ADGRF5: variants seen among roughly 807,000 people sequenced by gnomAD.
The protein encoded by ADGRF5 is adhesion G protein-coupled receptor F5, also known as G-protein coupled receptor 116.
ADGRF5 carries 75 observed loss-of-function variants against 132.3 expected under a neutral mutation model. The ratio of observed to expected loss-of-function variants is 0.57; its 90% CI spans 0.47 to 0.69. ADGRF5 has a LOEUF of 0.69. Among genes scored for constraint, ADGRF5 ranks in the 30% least tolerant of loss-of-function variants. The probability of loss-of-function intolerance (pLI) is 0.00; values close to 1 mark genes in which losing one functional copy is unlikely to be tolerated. For missense variants in ADGRF5, 1,516 were observed against 1,630.6 expected (o/e 0.93, Z 1.21); for synonymous variants, 629 against 597.6 (o/e 1.05, Z -0.77).
chr6:46,922,159 C>A (rs1458505518), upstream of ADGRF5, among the ~76,000 whole-genome samples: 6 of 152,122 alleles, frequency 3.9e-5, no homozygotes, highest in Non-Finnish European at 8.8e-5. Context: ...CCAGAGCAAA[C>A]CAAACATAGG....
At chr6:46,954,130 G>GA (rs1242751815) in intron 1 of ADGRF5, among the ~76,000 whole-genome samples, 2 of 151,848 alleles carry the variant, frequency 1.3e-5, no homozygotes, top group East Asian at 3.9e-4. Context: ...GACATCCCTG[G>GA]ATATTCGTTG....
intron 20 of ADGRF5, chr6:46,854,862 G>C: frequency 1.6e-5 from 9 of 556,806 alleles, no homozygotes; most frequent in Non-Finnish European, 2.7e-5. Context: ...AGAAGTGAAG[G>C]TCCACCAGTT....
chr6:46,879,491 C>G (rs1015829848), intron 9 of ADGRF5, among the ~76,000 whole-genome samples: 29 of 152,158 alleles, frequency 1.9e-4, no homozygotes, highest in African/African-American at 5.8e-4. Flanking sequence ...CTCTCCCTCT[C>G]CTGCTGCCAT....
intron 15 of ADGRF5, among the ~76,000 whole-genome samples, chr6:46,861,778 TAGAGCAGCATGATCCTTTTCCATTG>T: frequency 6.6e-6 from 1 of 152,358 alleles, no homozygotes; most frequent in South Asian, 2.1e-4. Flanking sequence ...GGAAGCATGA[TAGAGCAGCATGATCCTTTTCCATTG>T]AAAATGTATG....
At chr6:46,947,306 G>A (rs537193426) in intron 1 of ADGRF5, among the ~76,000 whole-genome samples, 5 of 152,302 alleles carry the variant, frequency 3.3e-5, no homozygotes, top group Non-Finnish European at 5.9e-5. Context: ...TACATATTAC[G>A]ATAAAGAAAG....
At chr6:46,939,753 C>G (rs1199313645) in intron 1 of ADGRF5, among the ~76,000 whole-genome samples, 1 of 152,180 alleles carries the variant, frequency 6.6e-6, no homozygotes, top group Admixed American at 6.5e-5. Context: ...GAAAAATCTT[C>G]AAGCATGTAT....
rs1211922303 is a variant in ADGRF5 at position 46,884,345 on chromosome 6, G to A, written c.329-74C>T. ...ACCATATTTGTATTTATAGCCTGCA[G>A]GTATTCATTCTTGAAGAACATCCGA... On this transcript the variant is annotated intron_variant, in intron 4 of 20. Transcript: ENST00000283296. 2.0e-5 allele frequency: 24 copies of A among 1,177,168 alleles called. No homozygotes were observed. In the East Asian group the frequency reaches 5.5e-4, roughly 27 times the overall value. The allele number at this position is 1,177,168 out of a possible 1,614,324, so 72.9% of individuals were successfully genotyped here. A position where few individuals can be genotyped will look rare whatever the true frequency, so the allele number is the denominator to read the frequency against.
At chr6:46,917,425 G>T (rs907056916) in intron 1 of ADGRF5, among the ~76,000 whole-genome samples, 1 of 152,186 alleles carries the variant, frequency 6.6e-6, no homozygotes. Context: ...AAGTCAGACT[G>T]CCTGAGATGG....
chr6:46,867,617 A>C, intron 12 of ADGRF5, among the ~76,000 whole-genome samples: 1 of 152,154 alleles, frequency 6.6e-6, no homozygotes, highest in African/African-American at 2.4e-5. Flanking sequence ...AGGACAAGTC[A>C]TCATTTGGGC....
chr6:46,906,388 G>A (rs1036510246), intron 2 of ADGRF5, among the ~76,000 whole-genome samples: 2 of 152,138 alleles, frequency 1.3e-5, no homozygotes, highest in Non-Finnish European at 2.9e-5. Flanking sequence ...AAGGAACCCT[G>A]GGAGGTCTCT....
Position 46,856,856 on chromosome 6 carries a change from A to C in ADGRF5, c.3816+11T>G, listed in dbSNP as rs1414722705. 1 of 1,609,048 alleles carries C rather than the reference A, an allele frequency of 6.2e-7. No homozygotes were observed. The highest frequency in any genetic ancestry group is 8.5e-7 in the Non-Finnish European group (1 of 1,177,322). Reference sequence around the variant, plus strand: ...ACTTTTCTAGAAACATGAAACTGTCATTGCTCTTACCTTCAGATCCCAGAG... The same window carrying C: ...ACTTTTCTAGAAACATGAAACTGTCCTTGCTCTTACCTTCAGATCCCAGAG... On this transcript the variant is annotated intron_variant, in intron 18 of 20. Coordinates refer to ENST00000283296, the MANE Select transcript of ADGRF5 (RefSeq NM_001098518.2).
intron 11 of ADGRF5, chr6:46,870,946 T>G: frequency 3.3e-6 from 1 of 302,100 alleles, no homozygotes. Context: ...AATGCAAAAC[T>G]GTTCTACCTG....
At chr6:46,945,018 G>A (rs536427555) in intron 1 of ADGRF5, among the ~76,000 whole-genome samples, 7 of 152,192 alleles carry the variant, frequency 4.6e-5, no homozygotes, top group Non-Finnish European at 7.3e-5. Flanking sequence ...TTCTGCAGGT[G>A]CGCTGTGGAA....
intron 6 of ADGRF5, among the ~76,000 whole-genome samples, chr6:46,883,204 G>T (rs1772670736): frequency 6.6e-6 from 1 of 152,188 alleles, no homozygotes; most frequent in Admixed American, 6.5e-5. Context: ...CTGCCCAAAA[G>T]TTGTTAGGGG....
chr6:46,948,042 G>T (rs55736363), intron 1 of ADGRF5, among the ~76,000 whole-genome samples: 21,893 of 152,048 alleles, frequency 0.14, 1,823 homozygotes, highest in Admixed American at 0.23. Flanking sequence ...CATCTTTCAC[G>T]GAGACCCCCA....
At chr6:46,917,622 G>A (rs557822625) in intron 1 of ADGRF5, among the ~76,000 whole-genome samples, 7 of 152,238 alleles carry the variant, frequency 4.6e-5, no homozygotes, top group Non-Finnish European at 7.4e-5. Context: ...GCAAATACTC[G>A]ATAAATATTG....
intron 1 of ADGRF5, among the ~76,000 whole-genome samples, chr6:46,917,194 C>T (rs973775270): frequency 2.7e-4 from 41 of 152,334 alleles, no homozygotes; most frequent in African/African-American, 7.0e-4. Flanking sequence ...TGAGCCTTGG[C>T]TAAACAAACA....
At chr6:46,877,269 TTCTTTCTTTCTTTCTTTCTTTC>T (rs1211251287) in intron 10 of ADGRF5, among the ~76,000 whole-genome samples, 7 of 40,380 alleles carry the variant, frequency 1.7e-4, no homozygotes, top group African/African-American at 1.1e-3. Flanking sequence ...CTTTCTTTCT[TTCTTTCTTTCTTTCTTTCTTTC>T]TCTCTCTCTC....
rs770382656 is a variant in ADGRF5, at chr6:46,858,268, C to T, written c.3635G>A (p.Ser1212Asn). The T allele has an allele frequency of 2.5e-6, 4 of 1,614,044 alleles. No homozygotes were observed. Among genetic ancestry groups the T allele is most frequent in the Non-Finnish European group, 2.5e-6 (3 of 1,180,010 alleles). Residue 1212 changes from serine (S) to asparagine (N), a missense_variant, in exon 17 of 21, where the codon AGC (serine) becomes AAC (asparagine). Physicochemically the swap from Ser to Asn is conservative, Grantham distance 46. Around this residue, in one of 2 missense-constraint regions of ADGRF5, gnomAD observed 571 missense variants for 701.2 expected, o/e 0.81. Coordinates refer to ENST00000283296, the MANE Select transcript of ADGRF5 (RefSeq NM_001098518.2). Reference protein sequence around the residue: ...IGDKPCKQEKSSLFQISKSIG... With the variant: ...IGDKPCKQEKNSLFQISKSIG... ...GCTCTTGCTGATCTGAAACAGGCTG[C>T]TCTTCTCCTGCTTGCATGGCTTGTC...
Sources: gnomAD v4.1 joint callset for allele counts (sites outside exome capture counted in the v4.1 genomes callset) on GRCh38, gnomAD v4.1.1 for gene constraint, gnomAD v4.1.1 regional missense constraint, MANE v1.5 for transcripts, NCBI Gene and HGNC (gene_info 2026-07-23, HGNC 2026-07-21) for gene names.